DNAH9: variants seen among roughly 807,000 people sequenced by gnomAD.
DNAH9 encodes the protein DNAH9 variant protein.
DNAH9 carries 345 observed loss-of-function variants against 471.6 expected under a neutral mutation model. The observed-to-expected ratio is 0.73, with a 90% confidence interval of 0.67 to 0.80. The LOEUF is 0.80. Among genes scored for constraint, DNAH9 ranks in the 30% least tolerant of loss-of-function variants. The pLI, the probability that DNAH9 is intolerant of heterozygous loss-of-function variation, is 0.00. For missense variants in DNAH9, 5,407 were observed against 5,609.2 expected (o/e 0.96, Z 1.15); for synonymous variants, 2,093 against 2,123.6 (o/e 0.99, Z 0.40).
chr17:11,841,823 T>C (rs1050771715), intron 49 of DNAH9, among the ~76,000 whole-genome samples: 2 of 152,192 alleles, frequency 1.3e-5, no homozygotes, highest in Admixed American at 6.5e-5. Context: ...GCTTGACTTT[T>C]CCCTTTGGCT....
chr17:11,714,607 T>G (rs938305710), intron 26 of DNAH9, among the ~76,000 whole-genome samples: 1 of 152,176 alleles, frequency 6.6e-6, no homozygotes, highest in Non-Finnish European at 1.5e-5. Context: ...TGTGATGATA[T>G]TATTCCCATG....
chr17:11,642,468 C>T (rs2073294364), intron 10 of DNAH9, among the ~76,000 whole-genome samples: 1 of 152,170 alleles, frequency 6.6e-6, no homozygotes. Context: ...AGGAGAATCA[C>T]TTGAACCTGG....
intron 8 of DNAH9, among the ~76,000 whole-genome samples, chr17:11,635,059 A>G (rs2073135430): frequency 1.3e-5 from 2 of 152,236 alleles, no homozygotes; most frequent in Non-Finnish European, 2.9e-5. Flanking sequence ...GTTGACTTAA[A>G]GCAAGGGTTC....
chr17:11,810,297 G>C lies in DNAH9; in HGVS notation c.8635G>C (p.Val2879Leu). The C allele has an allele frequency of 6.2e-7, 1 of 1,613,860 alleles. No individual in the cohort carries two copies. Among genetic ancestry groups the C allele is most frequent in the Non-Finnish European group, 8.5e-7 (1 of 1,179,890 alleles). Residue 2879 changes from valine (V) to leucine (L), a missense_variant, in exon 45 of 69, where the codon GTG (valine) becomes CTG (leucine). By Grantham distance (32) the Val-to-Leu change is conservative. This residue lies in a region of DNAH9 where 4,636 missense variants were observed against 4,900.3 expected (regional missense o/e 0.95). Transcript: ENST00000262442. Reference sequence around the variant, plus strand: ...AGCTGGAGTGAAGAATCTCAACACAGTGTTTCTCATGACTGATGCCCAAGT... The same window carrying C: ...AGCTGGAGTGAAGAATCTCAACACACTGTTTCTCATGACTGATGCCCAAGT... The part of the protein sequence containing the change: ...LKAGVKNLNT[V>L]FLMTDAQVAD...
At chr17:11,852,422 T>C (rs1458569020) in intron 49 of DNAH9, among the ~76,000 whole-genome samples, 2 of 152,094 alleles carry the variant, frequency 1.3e-5, no homozygotes, top group Non-Finnish European at 2.9e-5. Flanking sequence ...GTCTGACCCA[T>C]GACCAGGGGG....
Position 11,610,420 on chromosome 17 carries a change from C to T in DNAH9, c.639C>T (p.Val213=), listed in dbSNP as rs747152008. The T allele has an allele frequency of 8.1e-6, 13 of 1,613,196 alleles. No individual in the cohort carries two copies. In the South Asian group the frequency reaches 1.1e-4, roughly 14 times the overall value. Residue 213 remains valine (V), a synonymous_variant, in exon 3 of 69, where the codon GTC becomes GTT. Transcript: ENST00000262442. The part of the protein sequence containing the change: ...ETVLDSIDKS[V]IYAIESAVIK... Reference sequence around the variant, plus strand: ...GCTTGGATTCTATAGATAAGTCAGTCATCTATGCCATTGAGTCTGCAGTGA... The same window carrying T: ...GCTTGGATTCTATAGATAAGTCAGTTATCTATGCCATTGAGTCTGCAGTGA...
chr17:11,859,832 A>C (rs753289021), intron 50 of DNAH9, among the ~76,000 whole-genome samples: 1 of 152,172 alleles, frequency 6.6e-6, no homozygotes, highest in Non-Finnish European at 1.5e-5. Flanking sequence ...GAAACCATTC[A>C]TGAAAGACCC....
Position 11,763,626 on chromosome 17 carries a change from T to C in DNAH9, c.7170+12T>C, listed in dbSNP as rs766672641. 8.7e-6 allele frequency: 14 copies of C among 1,612,712 alleles called. No homozygotes were observed. The highest frequency in any genetic ancestry group is 1.7e-5 in the Admixed American group (1 of 59,838). On this transcript the variant is annotated intron_variant, in intron 36 of 68. Transcript: ENST00000262442. ...TGGTCCAAGATCAGGTAAGGAGATA[T>C]GTTGAGCTCAACAACCACACTGAAG...
intron 30 of DNAH9, 143 bp from the exon 31 acceptor site, chr17:11,744,654 A>G (rs1241002704): frequency 2.9e-6 from 2 of 700,282 alleles, no homozygotes; most frequent in East Asian, 5.3e-5. Context: ...TGGGATCATC[A>G]TTTTCTAAGT....
intron 38 of DNAH9, among the ~76,000 whole-genome samples, chr17:11,772,000 G>A (rs1968224756): frequency 6.6e-6 from 1 of 152,160 alleles, no homozygotes; most frequent in African/African-American, 2.4e-5. Flanking sequence ...CACACAGTAA[G>A]TTGGGGAGCC....
chr17:11,747,475 C>A, intron 31 of DNAH9, 81 bp from the exon 32 acceptor site: 1 of 1,132,254 alleles, frequency 8.8e-7, no homozygotes, highest in Non-Finnish European at 1.3e-6. Flanking sequence ...ACTTCAGACA[C>A]CAGCTGGGGT....
At chr17:11,726,343 G>T (rs2150811943) in intron 27 of DNAH9, among the ~76,000 whole-genome samples, 1 of 152,282 alleles carries the variant, frequency 6.6e-6, no homozygotes, top group South Asian at 2.1e-4. Flanking sequence ...GTAATGCAGT[G>T]AAACTAATGT....
At chr17:11,648,203 T>C (rs1253596030) in intron 12 of DNAH9, among the ~76,000 whole-genome samples, 4 of 152,204 alleles carry the variant, frequency 2.6e-5, no homozygotes, top group Non-Finnish European at 1.5e-5. Context: ...GAATGCACTA[T>C]AGATTGAGCT....
At chr17:11,650,449 A>C (rs1254727028) in intron 12 of DNAH9, among the ~76,000 whole-genome samples, 1 of 152,212 alleles carries the variant, frequency 6.6e-6, no homozygotes, top group African/African-American at 2.4e-5. Context: ...ACCCCACAGA[A>C]GTTCAACGCA....
chr17:11,944,091 T>G (rs892611026), intron 67 of DNAH9, among the ~76,000 whole-genome samples: 4 of 152,208 alleles, frequency 2.6e-5, no homozygotes, highest in South Asian at 2.1e-4. Context: ...GTCATGAATC[T>G]CGGAGCTTGC....
At chr17:11,791,319 A>T (rs1969056217) in intron 41 of DNAH9, among the ~76,000 whole-genome samples, 2 of 152,206 alleles carry the variant, frequency 1.3e-5, no homozygotes, top group Non-Finnish European at 2.9e-5. Context: ...CTAATAATAC[A>T]ATTATAAAAA....
intron 42 of DNAH9, among the ~76,000 whole-genome samples, chr17:11,796,757 A>G (rs188721046): frequency 6.6e-6 from 1 of 152,168 alleles, no homozygotes; most frequent in African/African-American, 2.4e-5. Flanking sequence ...TCTCCTCGAC[A>G]ACCTTTCCTC....
chr17:11,875,226 G>A, intron 53 of DNAH9, 42 bp downstream of exon 53: 1 of 1,529,500 alleles, frequency 6.5e-7, no homozygotes, highest in Non-Finnish European at 8.9e-7. Context: ...AGCCATTTGT[G>A]CAGGAAAATG....
In DNAH9 at chr17:11,756,649, G is replaced by T. The variant is rs777095521; in HGVS notation, c.6820G>T (p.Ala2274Ser). ...CTTTGAGATCAGCCACCTGCGCACA[G>T]CCACTCCAGCAACTGTCTCTAGAGC... Reference protein sequence around the residue: ...LLFEISHLRTATPATVSRAGI... With the variant: ...LLFEISHLRTSTPATVSRAGI... Residue 2274 changes from alanine to serine, a missense_variant, in exon 34 of 69, where the codon GCC (alanine) becomes TCC (serine). Around this residue, in one of 3 missense-constraint regions of DNAH9, gnomAD observed 4,636 missense variants for 4,900.3 expected, o/e 0.95. Transcript: ENST00000262442. 6.2e-7 allele frequency: 1 copy of T among 1,612,356 alleles called. No individual in the cohort carries two copies. Among genetic ancestry groups the T allele is most frequent in the East Asian group, 2.2e-5 (1 of 44,858 alleles).
Sources: gnomAD v4.1 joint callset for allele counts (sites outside exome capture counted in the v4.1 genomes callset) on GRCh38, gnomAD v4.1.1 for gene constraint, gnomAD v4.1.1 regional missense constraint, MANE v1.5 for transcripts, NCBI Gene and HGNC (gene_info 2026-07-23, HGNC 2026-07-21) for gene names.